Variants in PLIN3 observed in about 807,000 individuals in gnomAD.
PLIN3 encodes the protein perilipin-3.
A neutral mutation model predicts 35.9 loss-of-function variants in PLIN3; 30 were observed. The ratio of observed to expected loss-of-function variants is 0.84; its 90% CI spans 0.62 to 1.13. The LOEUF (loss-of-function observed/expected upper bound fraction) is 1.13. Ranked by LOEUF, PLIN3 falls within the 50% of genes most tolerant of loss-of-function variation. PLIN3 has a pLI of 0.00. For missense variants in PLIN3, 603 were observed against 596.9 expected (o/e 1.01, Z -0.11); for synonymous variants, 261 against 262.5 (o/e 0.99, Z 0.06).
intron 4 of PLIN3, among the ~76,000 whole-genome samples, chr19:4,855,197 C>T (rs1171980916): frequency 2.2e-5 from 3 of 135,080 alleles, no homozygotes; most frequent in East Asian, 4.5e-4. Context: ...TTGCAGTGGG[C>T]TGAGATCACG....
intron 7 of PLIN3, among the ~76,000 whole-genome samples, chr19:4,843,242 C>T (rs1037754733): frequency 1.3e-5 from 2 of 151,232 alleles, no homozygotes; most frequent in Non-Finnish European, 2.9e-5. Context: ...TGCGGTGGCT[C>T]ACGCCTGTAA....
At position 4,858,003 on chromosome 19, in the gene PLIN3, A is replaced by G. The variant is rs573971557; in HGVS notation, c.348+1587T>C. On this transcript the variant is annotated intron_variant, in intron 4 of 7. Transcript: ENST00000221957. ...AAAAAAAAAAGAGGGGGCCGGGCAC[A>G]GTGGCTCATGCCTGTAATCCCAGCA... Among the ~76,000 whole-genome samples the G allele has an allele frequency of 2.4e-3, 346 of 145,534 alleles. 2 individuals are homozygous for G. The highest frequency in any genetic ancestry group is 8.3e-3 in the African/African-American group (323 of 39,140).
intron 5 of PLIN3, among the ~76,000 whole-genome samples, chr19:4,849,566 G>A (rs1166260675): frequency 2.6e-5 from 4 of 152,074 alleles, no homozygotes; most frequent in Non-Finnish European, 5.9e-5. Context: ...AAAGTGCTGG[G>A]ATGACAGGTG....
intron 7 of PLIN3, among the ~76,000 whole-genome samples, chr19:4,843,951 C>T (rs1048981107): frequency 9.9e-5 from 15 of 152,212 alleles, no homozygotes; most frequent in Non-Finnish European, 1.8e-4. Context: ...TGGGCAAATA[C>T]TACCTTCATC....
intron 7 of PLIN3, among the ~76,000 whole-genome samples, chr19:4,843,215 T>TA: frequency 8.0e-6 from 1 of 124,850 alleles, no homozygotes; most frequent in East Asian, 2.5e-4. Flanking sequence ...GAGCAATAAA[T>TA]AAATAAATAG....
intron 1 of PLIN3, among the ~76,000 whole-genome samples, chr19:4,863,990 T>A (rs907251546): frequency 5.3e-5 from 8 of 151,956 alleles, no homozygotes; most frequent in Non-Finnish European, 1.0e-4. Flanking sequence ...TGCAGTGTAG[T>A]GGTGCGATCT....
chr19:4,854,086 C>T (rs1355416951), intron 4 of PLIN3, among the ~76,000 whole-genome samples: 1 of 151,956 alleles, frequency 6.6e-6, no homozygotes, highest in East Asian at 1.9e-4. Flanking sequence ...GTACGCACCA[C>T]CACACCCGGC....
rs754069222 is a variant in PLIN3, at chr19:4,852,265, C to A, written c.385G>T (p.Val129Leu). The change falls in exon 5 of 8, where the codon GTG (valine) becomes TTG (leucine). Residue 129 changes from valine to leucine, a missense_variant. Physicochemically the swap from Val to Leu is conservative, Grantham distance 32. Transcript: ENST00000221957. ...GACACCATCTCTTGGGCCCCCGACA[C>A]CTTAGACGACACAAGCTCCTTGGTG... ...ADTKELVSSK[V>L]SGAQEMVSSA... The A allele has an allele frequency of 7.5e-6, 12 of 1,605,320 alleles. No individual in the cohort carries two copies. The highest frequency in any genetic ancestry group is 9.3e-6 in the Non-Finnish European group (11 of 1,179,976).
rs1054569582 is a variant in PLIN3 at position 4,838,982 on chromosome 19, G to T, written c.*210C>A. On this transcript the variant is annotated 3_prime_UTR_variant, in exon 8 of 8. Transcript: ENST00000221957. ...TCTCTCTACTGACTGATAGGGTGAG[G>T]CTCAGAACAGGCTTCTTCCAAGCTC... is the stretch of plus-strand genomic sequence containing the variant. The T allele has an allele frequency of 1.9e-5, 9 of 468,156 alleles. No individual in the cohort carries two copies. The highest frequency in any genetic ancestry group is 1.7e-4 in the African/African-American group (9 of 51,900). The allele number at this position is 468,156 out of a possible 1,614,324, so 29.0% of individuals were successfully genotyped here.
chr19:4,840,645 G>A lies in PLIN3; in HGVS notation c.961-1109C>T, dbSNP rs562876291. Among the ~76,000 whole-genome samples the A allele has an allele frequency of 6.6e-5, 10 of 152,240 alleles. No individual in the cohort carries two copies. In the East Asian group the frequency reaches 1.7e-3, roughly 27 times the overall value. ...CTGTTTGACCTTATAAGTCATTGAGGAAATGCAAATCAAAACCATAAGGAG... is the reference window on the plus strand; with the variant it reads ...CTGTTTGACCTTATAAGTCATTGAGAAAATGCAAATCAAAACCATAAGGAG... On this transcript the variant is annotated intron_variant, in intron 7 of 7. Transcript: ENST00000221957.
chr19:4,839,660 G>A, intron 7 of PLIN3, 124 bp from the exon 8 acceptor site: 1 of 669,912 alleles, frequency 1.5e-6, no homozygotes, highest in East Asian at 3.1e-5. Flanking sequence ...GCTTTCCATA[G>A]GCGAAACTTT....
At chr19:4,860,556 G>A (rs866882702) in intron 2 of PLIN3, among the ~76,000 whole-genome samples, 9 of 152,144 alleles carry the variant, frequency 5.9e-5, no homozygotes, top group South Asian at 2.1e-4. Context: ...TTATCCCAGC[G>A]ATGTGCCAGG....
intron 4 of PLIN3, among the ~76,000 whole-genome samples, chr19:4,857,630 C>T (rs1261924394): frequency 1.3e-5 from 2 of 151,854 alleles, no homozygotes; most frequent in Admixed American, 6.6e-5. Context: ...ATGTGCTGTT[C>T]TGGGCCTTCA....
At chr19:4,856,452 G>A (rs1327074043) in intron 4 of PLIN3, among the ~76,000 whole-genome samples, 1 of 151,870 alleles carries the variant, frequency 6.6e-6, no homozygotes, top group Non-Finnish European at 1.5e-5. Flanking sequence ...CAGCTACTCG[G>A]GAGGCTGAGG....
intron 1 of PLIN3, among the ~76,000 whole-genome samples, chr19:4,864,464 T>TTTG (rs1485758935): frequency 8.2e-5 from 12 of 146,366 alleles, no homozygotes; most frequent in Admixed American, 1.4e-4. Context: ...TGTTTTTTTT[T>TTTG]TTGTTGTTGT....
At chr19:4,863,827 CAA>C (rs766592535) in intron 1 of PLIN3, among the ~76,000 whole-genome samples, 10 of 116,852 alleles carry the variant, frequency 8.6e-5, no homozygotes, top group Admixed American at 9.2e-5. Context: ...GACTCCATCT[CAA>C]AAAAAAAAAA....
intron 4 of PLIN3, among the ~76,000 whole-genome samples, chr19:4,855,978 G>A (rs1205779649): frequency 1.3e-5 from 2 of 151,654 alleles, no homozygotes; most frequent in Non-Finnish European, 2.9e-5. Context: ...CCCAGCTAAG[G>A]CCATTTCTGC....
Position 4,858,173 on chromosome 19 carries a change from T to C in PLIN3, c.348+1417A>G, listed in dbSNP as rs545075730. On this transcript the variant is annotated intron_variant, in intron 4 of 7. Transcript: ENST00000221957. ...CTGCAACCCCAGCTACTCAGCAGCC[T>C]GAGGCAGGAGAATCGCTGGAACCCG... Among the ~76,000 whole-genome samples, 188 of 139,612 alleles carry C rather than the reference T, an allele frequency of 1.3e-3. 1 individual carries two copies. Among genetic ancestry groups the C allele is most frequent in the African/African-American group, 4.7e-3 (173 of 36,776 alleles). The allele number at this position is 139,612 out of a possible 152,430, so 91.6% of individuals were successfully genotyped here.
chr19:4,858,675 C>T (rs1231465131), intron 4 of PLIN3, among the ~76,000 whole-genome samples: 2 of 146,642 alleles, frequency 1.4e-5, no homozygotes, highest in Non-Finnish European at 3.0e-5. Context: ...AGCCACCGCG[C>T]CTGGCCAGAA....
Sources: allele counts gnomAD v4.1 joint callset (sites outside exome capture counted in the v4.1 genomes callset), GRCh38; gene constraint gnomAD v4.1.1; transcripts MANE v1.5; gene names NCBI Gene and HGNC (gene_info 2026-07-23, HGNC 2026-07-21).